The following TRAPPC12 variants were observed in gnomAD, a reference collection of about 807,000 sequenced individuals.
The protein encoded by TRAPPC12 is trafficking protein particle complex subunit 12.
Under a neutral mutation model 69.2 loss-of-function variants are expected in TRAPPC12, and 61 were observed. The observed-to-expected ratio is 0.88, with a 90% CI of 0.72 to 1.09. The LOEUF is 1.09. Ranked by LOEUF, TRAPPC12 falls within the 50% of genes least tolerant of loss-of-function variation. The pLI, the probability that TRAPPC12 is intolerant of heterozygous loss-of-function variation, is 0.00. For synonymous variants in TRAPPC12, 469 were observed against 438.9 expected (o/e 1.07, Z -0.86); for missense variants, 1,101 against 1,016.4 (o/e 1.08, Z -1.13).
At chr2:3,386,273 T>G (rs1660487020) in intron 1 of TRAPPC12, among the ~76,000 whole-genome samples, 1 of 152,236 alleles carries the variant, frequency 6.6e-6, no homozygotes, top group African/African-American at 2.4e-5. Context: ...TCTTTTATCA[T>G]AGTCTCTTAG....
At chr2:3,463,672 C>T (rs1395572069) in intron 8 of TRAPPC12, among the ~76,000 whole-genome samples, 4 of 151,720 alleles carry the variant, frequency 2.6e-5, no homozygotes, top group Non-Finnish European at 4.4e-5. Context: ...GAGTGCTGCG[C>T]CCCCACCACG....
At chr2:3,474,913 C>G (rs1488121769) in intron 9 of TRAPPC12, among the ~76,000 whole-genome samples, 1 of 152,116 alleles carries the variant, frequency 6.6e-6, no homozygotes, top group Non-Finnish European at 1.5e-5. Context: ...TTTCTGGGAA[C>G]CATTTTGGTA....
At chr2:3,457,246 C>T in intron 6 of TRAPPC12, 3 of 428,724 alleles carry the variant, frequency 7.0e-6, no homozygotes, top group Non-Finnish European at 1.4e-5. Context: ...AGAAGCTAAA[C>T]ATTGGATTCA....
chr2:3,384,686 G>C (rs1200085392), intron 1 of TRAPPC12, among the ~76,000 whole-genome samples: 1 of 152,126 alleles, frequency 6.6e-6, no homozygotes, highest in African/African-American at 2.4e-5. Context: ...CAAGATTTTT[G>C]CATGTGTGTT....
intron 2 of TRAPPC12, among the ~76,000 whole-genome samples, chr2:3,400,699 ACT>A (rs1661391380): frequency 6.6e-6 from 1 of 152,116 alleles, no homozygotes; most frequent in African/African-American, 2.4e-5. Flanking sequence ...CCGAAACAGC[ACT>A]GAGGCCTGTG....
intron 6 of TRAPPC12, chr2:3,449,572 G>C (rs1175229084): frequency 1.3e-5 from 2 of 152,266 alleles, no homozygotes; most frequent in African/African-American, 4.8e-5. Flanking sequence ...ATGTGGTAGT[G>C]AGAGCTTTGT....
At chr2:3,422,265 G>C (rs1183890114) in intron 4 of TRAPPC12, among the ~76,000 whole-genome samples, 1 of 152,080 alleles carries the variant, frequency 6.6e-6, no homozygotes. Context: ...AGGTGGGTTC[G>C]CCTCACGACT....
chr2:3,398,523 C>T (rs1661249306), intron 2 of TRAPPC12, among the ~76,000 whole-genome samples: 1 of 152,224 alleles, frequency 6.6e-6, no homozygotes, highest in Admixed American at 6.5e-5. Context: ...TGTTCTGTGC[C>T]AGGTGCAGGG....
chr2:3,458,445 G>A (rs1006443468), intron 7 of TRAPPC12: 1 of 986,144 alleles, frequency 1.0e-6, no homozygotes, highest in Non-Finnish European at 1.2e-6. Context: ...AAGATCGGGT[G>A]GTCTCCGTTT....
At chr2:3,402,542 C>T (rs1029296559) in intron 3 of TRAPPC12, among the ~76,000 whole-genome samples, 1 of 152,050 alleles carries the variant, frequency 6.6e-6, no homozygotes, top group Non-Finnish European at 1.5e-5. Context: ...TTGCAGTGAG[C>T]CGAGATCACA....
intron 7 of TRAPPC12, among the ~76,000 whole-genome samples, chr2:3,458,717 C>G (rs1421279658): frequency 2.0e-5 from 3 of 152,198 alleles, no homozygotes; most frequent in African/African-American, 7.2e-5. Flanking sequence ...CATTTTACCC[C>G]TGGTTGGGCT....
At position 3,388,495 on chromosome 2, in the gene TRAPPC12, A is replaced by G. The variant is rs149828348; in HGVS notation, c.872A>G (p.Asp291Gly). The part of the protein sequence containing the change: ...AHIQAVFAGS[D>G]DPFATALSMS... ...ATCCAGGCAGTGTTTGCAGGGAGTG[A>G]CGACCCCTTTGCCACCGCCCTGAGC... is the stretch of plus-strand genomic sequence containing the variant. Residue 291 changes from aspartate (D) to glycine (G), a missense_variant, in exon 2 of 12, where the codon GAC (aspartate) becomes GGC (glycine). Asp to Gly is a moderately conservative substitution (Grantham distance 94). Transcript: ENST00000324266. 2 of 1,612,612 alleles carry G rather than the reference A, an allele frequency of 1.2e-6. No individual in the cohort carries two copies. The highest frequency in any genetic ancestry group is 1.7e-6 in the Non-Finnish European group (2 of 1,179,698).
chr2:3,431,155 C>A (rs2103073034), intron 5 of TRAPPC12, among the ~76,000 whole-genome samples: 1 of 152,376 alleles, frequency 6.6e-6, no homozygotes, highest in South Asian at 2.1e-4. Flanking sequence ...TCTCTCCTGG[C>A]ATACCCTTGA....
In TRAPPC12 at chr2:3,458,056, CGGG is replaced by C. The variant is rs1197244909; in HGVS notation, c.1603+365_1603+367del. On this transcript the variant is annotated intron_variant, in intron 7 of 11. Coordinates refer to ENST00000324266, the MANE Select transcript of TRAPPC12 (RefSeq NM_016030.6). ...GCGTCGGGGAGAGAGGCCTCTGCGT[CGGG>C]GACAGAGGCCTCTGCGTCGGGGACA... 1.5e-4 allele frequency: 53 copies of C among 357,490 alleles called. No homozygotes were observed. The East Asian group carries it at 0.014, about 94-fold the overall frequency. 22.1% of individuals were successfully genotyped at this position (357,490 alleles called of 1,614,324 possible).
In TRAPPC12 at chr2:3,388,333, A is replaced by G; in HGVS notation, c.710A>G (p.Asn237Ser). ...FTTSAFISVSNPGAGSPAPAS... is the reference protein window; with the variant it reads ...FTTSAFISVSSPGAGSPAPAS... The stretch of plus-strand genomic sequence containing the variant: ...ACCTCCGCCTTCATTTCCGTCAGCA[A>G]TCCCGGCGCGGGCTCCCCGGCCCCC... The change falls in exon 2 of 12, where the codon AAT becomes AGT. Residue 237 changes from asparagine (N) to serine (S), a missense_variant. Physicochemically the swap from Asn to Ser is conservative, Grantham distance 46 (BLOSUM62 1). Transcript: ENST00000324266. The G allele has an allele frequency of 6.3e-7, 1 of 1,597,454 alleles. No homozygotes were observed. Among genetic ancestry groups the G allele is most frequent in the Non-Finnish European group, 8.5e-7 (1 of 1,172,528 alleles).
chr2:3,477,130 A>G (rs1313474922), intron 9 of TRAPPC12, among the ~76,000 whole-genome samples: 1 of 152,224 alleles, frequency 6.6e-6, no homozygotes, highest in Non-Finnish European at 1.5e-5. Context: ...CCTCTGCCAC[A>G]GGCCTGCTGC....
At chr2:3,389,562 A>G (rs955993251) in intron 2 of TRAPPC12, 12 of 429,098 alleles carry the variant, frequency 2.8e-5, no homozygotes, top group Non-Finnish European at 4.9e-6. Context: ...GCGTGCACAC[A>G]GCTCTTTTCG....
rs1662211210 is a variant in TRAPPC12 at position 3,414,176 on chromosome 2, A to T, written c.1165-7705A>T. Among the ~76,000 whole-genome samples the T allele has an allele frequency of 6.6e-6, 1 of 152,226 alleles. No homozygotes were observed. Among genetic ancestry groups the T allele is most frequent in the Admixed American group, 6.5e-5 (1 of 15,274 alleles). ...GTTTCAAAGGATATAATTAATTTTT[A>T]GCACATAGTATGTTGCATATGTGAT... On this transcript the variant is annotated intron_variant, in intron 3 of 11. Transcript: ENST00000324266. The surrounding 1 kb of genome is among the most constrained non-coding windows in gnomAD (Gnocchi z 4.9).
intron 5 of TRAPPC12, among the ~76,000 whole-genome samples, chr2:3,434,265 A>G (rs1663626303): frequency 6.6e-6 from 1 of 152,178 alleles, no homozygotes; most frequent in African/African-American, 2.4e-5. Flanking sequence ...TGAAATTCAC[A>G]CACCTTACCT....
Sources: gnomAD v4.1 joint callset for allele counts (sites outside exome capture counted in the v4.1 genomes callset) on GRCh38, gnomAD v4.1.1 for gene constraint, Gnocchi (gnomAD v3.1) non-coding constraint, MANE v1.5 for transcripts, NCBI Gene and HGNC (gene_info 2026-07-23, HGNC 2026-07-21) for gene names.